The following NELL1 variants were observed in gnomAD, a reference collection of about 807,000 sequenced individuals.
The protein encoded by NELL1 is neural EGFL like 1.
NELL1 carries 76 observed loss-of-function variants against 107.4 expected under a neutral mutation model. That is an observed-to-expected ratio of 0.71 (90% CI 0.59 to 0.86). The LOEUF (loss-of-function observed/expected upper bound fraction) is 0.86. Among genes scored for constraint, NELL1 ranks in the 40% least tolerant of loss-of-function variants. The pLI, the probability that NELL1 is intolerant of heterozygous loss-of-function variation, is 0.00. For synonymous variants in NELL1, 353 were observed against 341.2 expected (o/e 1.03, Z -0.38); for missense variants, 1,024 against 1,005.5 (o/e 1.02, Z -0.25).
chr11:21,208,877 C>T (rs1857442263), intron 13 of NELL1, among the ~76,000 whole-genome samples: 1 of 152,112 alleles, frequency 6.6e-6, no homozygotes. Flanking sequence ...TTTCTGTATA[C>T]CCAAAGACTC....
At chr11:21,298,560 C>G (rs1046797217) in intron 14 of NELL1, among the ~76,000 whole-genome samples, 2 of 151,944 alleles carry the variant, frequency 1.3e-5, no homozygotes, top group Non-Finnish European at 1.5e-5. Flanking sequence ...CTGCTGAAAT[C>G]TTATCCATCA....
chr11:21,410,236 T>G (rs1325757100), intron 15 of NELL1, among the ~76,000 whole-genome samples: 1 of 152,062 alleles, frequency 6.6e-6, no homozygotes, highest in Non-Finnish European at 1.5e-5. Context: ...CCAAGATGAT[T>G]AATGTCTACA....
chr11:21,248,326 ACAGTGAGAGCCTGT>A (rs1184271785), intron 14 of NELL1, among the ~76,000 whole-genome samples: 1 of 151,168 alleles, frequency 6.6e-6, no homozygotes, highest in Non-Finnish European at 1.5e-5. Flanking sequence ...AGCCTGAGTG[ACAGTGAGAGCCTGT>A]CAAAAAAAAA....
chr11:20,756,466 G>A (rs1230237779), intron 2 of NELL1, among the ~76,000 whole-genome samples: 1 of 150,932 alleles, frequency 6.6e-6, no homozygotes, highest in African/African-American at 2.4e-5. Context: ...AGCCTCCTGA[G>A]TAGCTGGGAC....
At chr11:21,211,976 C>T (rs1193245694) in intron 13 of NELL1, among the ~76,000 whole-genome samples, 1 of 152,036 alleles carries the variant, frequency 6.6e-6, no homozygotes, top group Non-Finnish European at 1.5e-5. Context: ...CAAGAGTATG[C>T]CACCACACCT....
intron 2 of NELL1, among the ~76,000 whole-genome samples, chr11:20,695,505 A>G (rs2133872686): frequency 6.6e-6 from 1 of 152,146 alleles, no homozygotes; most frequent in South Asian, 2.1e-4. Flanking sequence ...TCATAAAGAG[A>G]CGTTGGATTT....
At chr11:21,309,265 TATATA>T (rs1431560305) in intron 14 of NELL1, among the ~76,000 whole-genome samples, 3 of 38,732 alleles carry the variant, frequency 7.7e-5, no homozygotes, top group African/African-American at 2.1e-4. Context: ...TATATGTATA[TATATA>T]TATATATATG....
chr11:21,142,592 C>A (rs1017446142), intron 13 of NELL1, among the ~76,000 whole-genome samples: 1 of 152,204 alleles, frequency 6.6e-6, no homozygotes, highest in African/African-American at 2.4e-5. Context: ...TTGACACCTT[C>A]CAGATCATGG....
At chr11:20,865,241 A>C (rs1014321007) in intron 4 of NELL1, among the ~76,000 whole-genome samples, 2 of 152,216 alleles carry the variant, frequency 1.3e-5, no homozygotes, top group Non-Finnish European at 2.9e-5. Flanking sequence ...TTAAATGCAC[A>C]AATTATATGA....
intron 3 of NELL1, among the ~76,000 whole-genome samples, chr11:20,802,256 A>G (rs1008965369): frequency 2.4e-4 from 36 of 152,188 alleles, no homozygotes; most frequent in African/African-American, 8.4e-4. Context: ...TGTCCTCTTC[A>G]CATTCTTTTA....
chr11:20,954,430 C>G (rs1447500440), intron 11 of NELL1, among the ~76,000 whole-genome samples: 4 of 152,164 alleles, frequency 2.6e-5, no homozygotes, highest in African/African-American at 9.7e-5. Flanking sequence ...ATTTATCCTT[C>G]TCTGAAACAC....
At chr11:20,833,131 T>C (rs1858049225) in intron 3 of NELL1, among the ~76,000 whole-genome samples, 1 of 152,206 alleles carries the variant, frequency 6.6e-6, no homozygotes, top group Non-Finnish European at 1.5e-5. Flanking sequence ...TTTGTGTCTT[T>C]GGTCATCATT....
chr11:21,175,518 G>A (rs1049690646), intron 13 of NELL1, among the ~76,000 whole-genome samples: 14 of 151,582 alleles, frequency 9.2e-5, no homozygotes, highest in Non-Finnish European at 1.8e-4. Flanking sequence ...TCCTTAATTG[G>A]TCCAATTTAG....
intron 14 of NELL1, among the ~76,000 whole-genome samples, chr11:21,369,951 A>G (rs1023766359): frequency 1.3e-5 from 2 of 152,134 alleles, no homozygotes; most frequent in Non-Finnish European, 2.9e-5. Context: ...ATGTGAATAC[A>G]TACTGAGGCT....
At position 21,128,782 on chromosome 11, in the gene NELL1, A is replaced by G. The variant is rs919525132; in HGVS notation, c.1426+15068A>G. Reference sequence around the variant, plus strand: ...CCACCCAGGCTGAGTGGTATACAGTACAGGGGAGGGAATCAAGTCAAGATT... The same window carrying G: ...CCACCCAGGCTGAGTGGTATACAGTGCAGGGGAGGGAATCAAGTCAAGATT... On this transcript the variant is annotated intron_variant, in intron 13 of 19. Transcript: ENST00000357134. Among the ~76,000 whole-genome samples the G allele has an allele frequency of 5.3e-5, 8 of 152,204 alleles. 1 individual carries two copies. The highest frequency in any genetic ancestry group is 9.6e-5 in the African/African-American group (4 of 41,458).
At chr11:20,892,928 C>CAAAA (rs35992813) in intron 5 of NELL1, among the ~76,000 whole-genome samples, 2 of 98,394 alleles carry the variant, frequency 2.0e-5, no homozygotes, top group Admixed American at 1.0e-4. Context: ...GACTGTGTCT[C>CAAAA]AAAAAAAAAA....
intron 5 of NELL1, among the ~76,000 whole-genome samples, chr11:20,915,717 A>ATATATATATATATTTTTT: frequency 2.1e-4 from 12 of 58,216 alleles, no homozygotes; most frequent in East Asian, 1.1e-3. Flanking sequence ...ATATATATAT[A>ATATATATATATATTTTTT]TTTTTTTTTT....
intron 2 of NELL1, among the ~76,000 whole-genome samples, chr11:20,721,250 T>TATATA (rs1564879339): frequency 2.1e-4 from 16 of 76,856 alleles, no homozygotes; most frequent in East Asian, 5.4e-4. Context: ...ATATATATAT[T>TATATA]TATTTGTTTG....
At chr11:21,168,156 C>T (rs1323247702) in intron 13 of NELL1, among the ~76,000 whole-genome samples, 3 of 151,702 alleles carry the variant, frequency 2.0e-5, no homozygotes, top group Non-Finnish European at 4.4e-5. Flanking sequence ...AGTGAATGGT[C>T]TCCTAAAGCC....
Sources: gnomAD v4.1 joint callset for allele counts (sites outside exome capture counted in the v4.1 genomes callset) on GRCh38, gnomAD v4.1.1 for gene constraint, MANE v1.5 for transcripts, NCBI Gene and HGNC (gene_info 2026-07-23, HGNC 2026-07-21) for gene names.